The following NUMA1 variants were observed in gnomAD, a reference collection of about 807,000 sequenced individuals.
NUMA1 encodes SP-H antigen.
A neutral mutation model predicts 237.1 loss-of-function variants in NUMA1; 62 were observed. The observed-to-expected ratio is 0.26, with a 90% CI of 0.21 to 0.32. The LOEUF is 0.32. Among genes scored for constraint, NUMA1 ranks in the 10% least tolerant of loss-of-function variants. NUMA1 has a pLI of 1.00. For synonymous variants in NUMA1, 1,028 were observed against 1,066.1 expected (o/e 0.96, Z 0.70); for missense variants, 2,533 against 2,666.5 (o/e 0.95, Z 1.10).
chr11:72,005,557 C>G, intron 22 of NUMA1, 188 bp from the exon 23 acceptor site: 1 of 573,026 alleles, frequency 1.7e-6, no homozygotes, highest in Non-Finnish European at 3.0e-6. Context: ...GCTTGCTCAC[C>G]ACCTTCTCCC....
At chr11:72,019,881 C>T (rs1455909947) in intron 8 of NUMA1, among the ~76,000 whole-genome samples, 1 of 152,146 alleles carries the variant, frequency 6.6e-6, no homozygotes, top group Non-Finnish European at 1.5e-5. Context: ...TGACGGTGTC[C>T]TCTGGCTCAG....
chr11:72,057,849 C>T (rs183749767), intron 2 of NUMA1, among the ~76,000 whole-genome samples: 4 of 151,628 alleles, frequency 2.6e-5, no homozygotes, highest in African/African-American at 7.3e-5. Flanking sequence ...GCAGGTGGAT[C>T]GCCTGAGGGC....
intron 8 of NUMA1, chr11:72,020,230 T>A (rs1938572982): frequency 6.6e-6 from 1 of 152,292 alleles, no homozygotes; most frequent in Admixed American, 6.5e-5. Flanking sequence ...TGCCCACGGC[T>A]TCAGTGGCCA....
intron 17 of NUMA1, among the ~76,000 whole-genome samples, chr11:72,010,019 C>T (rs771826261): frequency 1.3e-5 from 2 of 152,242 alleles, no homozygotes; most frequent in African/African-American, 2.4e-5. Context: ...CCAACAAGTG[C>T]TTTGCTGTAG....
intron 1 of NUMA1, among the ~76,000 whole-genome samples, chr11:72,073,594 A>C (rs938351496): frequency 6.6e-6 from 1 of 152,230 alleles, no homozygotes. Context: ...ACTTTTTTCA[A>C]ATATACGCAT....
chr11:72,077,764 A>C (rs920452514), intron 1 of NUMA1, among the ~76,000 whole-genome samples: 8 of 147,700 alleles, frequency 5.4e-5, no homozygotes, highest in African/African-American at 2.0e-4. Flanking sequence ...CAGTGAGCCG[A>C]GACTGTGCCA....
Position 72,003,581 on chromosome 11 carries a change from A to T in NUMA1, c.6337-43T>A, listed in dbSNP as rs183825616. On this transcript the variant is annotated intron_variant, in intron 26 of 26. Coordinates refer to ENST00000393695, the MANE Select transcript of NUMA1 (RefSeq NM_006185.4). ...ACATGGCCAGATGAGAACTTGCGAT[A>T]CTAGCCTGCACCCACTGGCTGGGAA... The T allele has an allele frequency of 1.9e-6, 3 of 1,613,276 alleles. No individual in the cohort carries two copies. The Admixed American group carries it at 5.0e-5, about 27-fold the overall frequency.
At chr11:72,053,224 G>A (rs1401739669) in intron 2 of NUMA1, among the ~76,000 whole-genome samples, 1 of 152,186 alleles carries the variant, frequency 6.6e-6, no homozygotes, top group Non-Finnish European at 1.5e-5. Context: ...CAACTAAAGT[G>A]AAGCTCCCAC....
chr11:72,072,712 C>T (rs1943508868), intron 1 of NUMA1, among the ~76,000 whole-genome samples: 1 of 152,202 alleles, frequency 6.6e-6, no homozygotes, highest in African/African-American at 2.4e-5. Context: ...ACCCAAGATA[C>T]TGGCCTTTCT....
chr11:72,048,936 G>A (rs1482058270), intron 2 of NUMA1, among the ~76,000 whole-genome samples: 1 of 152,126 alleles, frequency 6.6e-6, no homozygotes, highest in Non-Finnish European at 1.5e-5. Context: ...ATTTACCATG[G>A]CCTCATTGTC....
intron 20 of NUMA1, 35 bp from the exon 21 acceptor site, chr11:72,007,470 C>T (rs569183274): frequency 6.2e-7 from 1 of 1,608,986 alleles, no homozygotes; most frequent in Non-Finnish European, 8.5e-7. Flanking sequence ...TACAGTCCTT[C>T]ACGCTAGAAG....
At chr11:72,029,364 T>C (rs1227883493) in intron 3 of NUMA1, 74 bp from the exon 4 acceptor site, 1 of 875,804 alleles carries the variant, frequency 1.1e-6, no homozygotes, top group Non-Finnish European at 1.8e-6. Flanking sequence ...AGAGGCTTAA[T>C]GTGAGTGCTT....
intron 3 of NUMA1, among the ~76,000 whole-genome samples, chr11:72,035,699 C>T (rs565532900): frequency 1.2e-4 from 19 of 152,242 alleles, no homozygotes; most frequent in African/African-American, 3.9e-4. Context: ...GCATAAGCTC[C>T]GCACCCGGCC....
rs147222061 is a variant in NUMA1 at position 72,011,794 on chromosome 11, C to G, written c.4650+607G>C. Among the ~76,000 whole-genome samples the G allele has an allele frequency of 6.8e-4, 104 of 152,158 alleles. No individual in the cohort carries two copies. The East Asian group carries it at 0.01, about 15-fold the overall frequency. ...AGGCAGCCAGACCATGTGACCCCCA[C>G]TCCCCCGCCCCCATCTGGTATAGAC... On this transcript the variant is annotated intron_variant, in intron 16 of 26. Coordinates refer to ENST00000393695, the MANE Select transcript of NUMA1 (RefSeq NM_006185.4).
chr11:72,020,947 A>C (rs1938713318), intron 8 of NUMA1: 1 of 396,090 alleles, frequency 2.5e-6, no homozygotes, highest in African/African-American at 2.1e-5. Context: ...TTTAAAAAAT[A>C]AAAAACAAAA....
intron 2 of NUMA1, among the ~76,000 whole-genome samples, chr11:72,063,953 T>TAA (rs200132387): frequency 5.8e-5 from 8 of 136,974 alleles, no homozygotes; most frequent in South Asian, 2.3e-4. Context: ...CAAAAAGAAT[T>TAA]AAAAAAAAAA....
At chr11:72,018,772 C>G in intron 10 of NUMA1, 51 bp downstream of exon 10, 1 of 1,579,380 alleles carries the variant, frequency 6.3e-7, no homozygotes, top group Non-Finnish European at 8.6e-7. Flanking sequence ...GGCCAGGGGA[C>G]ATCCTTCCGG....
chr11:72,042,177 T>A (rs1011667985), intron 2 of NUMA1: 1 of 152,218 alleles, frequency 6.6e-6, no homozygotes, highest in Non-Finnish European at 1.5e-5. Flanking sequence ...ATCACAGCAT[T>A]TCCCCCCACT....
intron 16 of NUMA1, among the ~76,000 whole-genome samples, chr11:72,011,214 C>T (rs1369532383): frequency 6.6e-6 from 1 of 152,230 alleles, no homozygotes; most frequent in Non-Finnish European, 1.5e-5. Flanking sequence ...CCGCAACCTT[C>T]CCAGGACCTA....
Sources: gnomAD v4.1 joint callset for allele counts (sites outside exome capture counted in the v4.1 genomes callset) on GRCh38, gnomAD v4.1.1 for gene constraint, MANE v1.5 for transcripts, NCBI Gene and HGNC (gene_info 2026-07-23, HGNC 2026-07-21) for gene names.